FOXP2: variants seen among roughly 807,000 people sequenced by gnomAD.
FOXP2 encodes the protein forkhead box P2.
In FOXP2, 12 loss-of-function variants were observed where a neutral mutation model predicts 115.8. The observed-to-expected ratio is 0.10, with a 90% CI of 0.07 to 0.17. The LOEUF (loss-of-function observed/expected upper bound fraction) is 0.17. Among genes scored for constraint, FOXP2 ranks in the 10% least tolerant of loss-of-function variants. FOXP2 has a pLI of 1.00. For synonymous variants in FOXP2, 328 were observed against 297.7 expected (o/e 1.10, Z -1.05); for missense variants, 629 against 843.5 (o/e 0.75, Z 3.15).
At chr7:114,304,625 G>A (rs1435767622) in intron 2 of FOXP2, among the ~76,000 whole-genome samples, 3 of 137,698 alleles carry the variant, frequency 2.2e-5, no homozygotes, top group African/African-American at 5.6e-5. Context: ...AGCCAAGATC[G>A]CGCAACTGCA....
At position 114,224,964 on chromosome 7, in the gene FOXP2, A is replaced by G. The variant is rs546866093; in HGVS notation, c.-102+61876A>G. Among the ~76,000 whole-genome samples, 5 of 152,314 alleles carry G rather than the reference A, an allele frequency of 3.3e-5. No homozygotes were observed. The South Asian group carries it at 1.0e-3, about 32-fold the overall frequency. ...TATCAAATACTTTTTGCAGTTGACA[A>G]GAGTCCTGCCCATCCCCCTTACTTT... On this transcript the variant is annotated intron_variant, in intron 1 of 17. Transcript: ENST00000634411.
chr7:114,094,138 A>G (rs1446543002), intron 1 of FOXP2, among the ~76,000 whole-genome samples: 2 of 152,162 alleles, frequency 1.3e-5, no homozygotes, highest in African/African-American at 4.8e-5. Context: ...ACATACTGTA[A>G]GTTTACAAAT....
chr7:114,284,777 A>G (rs768504857), intron 1 of FOXP2, among the ~76,000 whole-genome samples: 2 of 152,188 alleles, frequency 1.3e-5, no homozygotes, highest in Admixed American at 6.6e-5. Flanking sequence ...TTGTAGCACT[A>G]TTCACAATAG....
intron 2 of FOXP2, among the ~76,000 whole-genome samples, chr7:114,389,554 A>T (rs1792536200): frequency 6.6e-6 from 1 of 152,110 alleles, no homozygotes; most frequent in African/African-American, 2.4e-5. Flanking sequence ...CTTTTTTTTC[A>T]TAGGAAACTA....
chr7:114,346,501 T>C (rs2049602), intron 2 of FOXP2, among the ~76,000 whole-genome samples: 5,495 of 151,918 alleles, frequency 0.036, 306 homozygotes, highest in East Asian at 0.26. Flanking sequence ...GCAGTGTTAT[T>C]TATGATAGAA....
intron 1 of FOXP2, among the ~76,000 whole-genome samples, chr7:114,106,521 G>A (rs1216908637): frequency 6.6e-6 from 1 of 151,928 alleles, no homozygotes; most frequent in Non-Finnish European, 1.5e-5. Flanking sequence ...AAGGGAAATA[G>A]CAATTTACCA....
intron 1 of FOXP2, among the ~76,000 whole-genome samples, chr7:114,191,846 C>T (rs931781548): frequency 1.3e-4 from 20 of 152,074 alleles, no homozygotes; most frequent in African/African-American, 4.8e-4. Context: ...GACAAATGTA[C>T]GATGTCATAT....
chr7:114,176,196 CTTGT>C (rs1346952356), intron 1 of FOXP2, among the ~76,000 whole-genome samples: 6 of 142,156 alleles, frequency 4.2e-5, no homozygotes, highest in Non-Finnish European at 8.9e-5. Context: ...CTTGTCTTGT[CTTGT>C]CTTGTCTTGT....
intron 2 of FOXP2, among the ~76,000 whole-genome samples, chr7:114,340,781 C>T (rs1222816641): frequency 2.6e-5 from 4 of 151,070 alleles, no homozygotes; most frequent in Admixed American, 6.6e-5. Flanking sequence ...CAACACCACC[C>T]TAAGAATTAA....
chr7:114,354,014 G>A (rs752864695), intron 2 of FOXP2, among the ~76,000 whole-genome samples: 6 of 152,154 alleles, frequency 3.9e-5, no homozygotes, highest in Non-Finnish European at 7.4e-5. Flanking sequence ...TGTTTCTGGA[G>A]AAGGTTAGCT....
chr7:114,346,749 A>C (rs971504213), intron 2 of FOXP2, among the ~76,000 whole-genome samples: 2 of 151,886 alleles, frequency 1.3e-5, no homozygotes, highest in South Asian at 4.1e-4. Flanking sequence ...GTATCATAGA[A>C]GCAGAGACTA....
At chr7:114,244,577 A>C (rs1795231000) in intron 1 of FOXP2, among the ~76,000 whole-genome samples, 1 of 152,214 alleles carries the variant, frequency 6.6e-6, no homozygotes, top group Non-Finnish European at 1.5e-5. Flanking sequence ...TGTATAGTTT[A>C]TAAAAGATAG....
intron 1 of FOXP2, among the ~76,000 whole-genome samples, chr7:114,166,123 A>G (rs1467743589): frequency 1.3e-5 from 2 of 152,196 alleles, no homozygotes; most frequent in Non-Finnish European, 2.9e-5. Flanking sequence ...TGGATCACAA[A>G]GCTAAATATA....
chr7:114,515,105 T>C (rs905949351), intron 2 of FOXP2, among the ~76,000 whole-genome samples: 4 of 149,940 alleles, frequency 2.7e-5, no homozygotes, highest in Non-Finnish European at 4.4e-5. Context: ...ATTTTCTTAA[T>C]CCAGTCTATC....
At chr7:114,254,128 C>G (rs1329588300) in intron 1 of FOXP2, among the ~76,000 whole-genome samples, 5 of 152,172 alleles carry the variant, frequency 3.3e-5, no homozygotes, top group African/African-American at 7.2e-5. Flanking sequence ...GCCCCCCACT[C>G]TCTTCTGGCT....
At chr7:114,486,201 T>C (rs1796764383) in intron 2 of FOXP2, among the ~76,000 whole-genome samples, 1 of 152,096 alleles carries the variant, frequency 6.6e-6, no homozygotes, top group Non-Finnish European at 1.5e-5. Flanking sequence ...TCCACATGGC[T>C]GGGGAGGCCT....
At chr7:114,306,755 T>C (rs1797023551) in intron 2 of FOXP2, among the ~76,000 whole-genome samples, 1 of 152,140 alleles carries the variant, frequency 6.6e-6, no homozygotes, top group Non-Finnish European at 1.5e-5. Context: ...TGTTTTTTTT[T>C]CTGGAGGTGC....
intron 3 of FOXP2, among the ~76,000 whole-genome samples, chr7:114,582,827 G>T (rs907826423): frequency 1.3e-5 from 2 of 152,040 alleles, no homozygotes; most frequent in African/African-American, 4.8e-5. Flanking sequence ...TTACTGTATT[G>T]TCAGTTTTAA....
intron 2 of FOXP2, among the ~76,000 whole-genome samples, chr7:114,512,022 A>G (rs969092394): frequency 2.6e-5 from 4 of 152,170 alleles, no homozygotes; most frequent in Non-Finnish European, 4.4e-5. Context: ...TTATTCATTT[A>G]TCAGCTGGAA....
Sources: gnomAD v4.1 joint callset for allele counts (sites outside exome capture counted in the v4.1 genomes callset) on GRCh38, gnomAD v4.1.1 for gene constraint, MANE v1.5 for transcripts, NCBI Gene and HGNC (gene_info 2026-07-23, HGNC 2026-07-21) for gene names.